Variants in ELAVL2 observed in about 807,000 individuals in gnomAD.
ELAVL2 encodes ELAV-like protein 2.
Under a neutral mutation model 34.6 loss-of-function variants are expected in ELAVL2, and 4 were observed. The observed-to-expected ratio is 0.12, with a 90% CI of 0.06 to 0.26. ELAVL2 has a LOEUF of 0.26. ELAVL2 is among the 10% of genes least tolerant of loss of function. ELAVL2 has a pLI of 1.00. For missense variants in ELAVL2, 432 were observed against 442.8 expected (o/e 0.98, Z 0.22); for synonymous variants, 193 against 154.8 (o/e 1.25, Z -1.83).
upstream of ELAVL2, chr9:23,829,761 A>G (rs942794120): frequency 5.9e-5 from 9 of 152,294 alleles, no homozygotes; most frequent in East Asian, 7.7e-4. Flanking sequence ...ACGCAAGAGA[A>G]AGAGGCAGGA....
At chr9:23,718,529 T>C (rs2042880360) in intron 3 of ELAVL2, among the ~76,000 whole-genome samples, 1 of 152,142 alleles carries the variant, frequency 6.6e-6, no homozygotes, top group Non-Finnish European at 1.5e-5. Flanking sequence ...GCAGATTGCT[T>C]ATGGCATTTA....
intron 2 of ELAVL2, among the ~76,000 whole-genome samples, chr9:23,751,612 T>C (rs1355953099): frequency 6.6e-6 from 1 of 152,180 alleles, no homozygotes; most frequent in Non-Finnish European, 1.5e-5. Flanking sequence ...TAGTATAGTA[T>C]TTACGTTTTA....
Position 23,756,413 on chromosome 9 carries a change from T to C in ELAVL2, c.229+5593A>G, listed in dbSNP as rs539998189. On this transcript the variant is annotated intron_variant, in intron 2 of 6. Transcript: ENST00000397312. ...CAGCTGATGAGGTCAGTACAAGACC[T>C]ACCTCAAACAACTGAGAGTAATGGT... Among the ~76,000 whole-genome samples the C allele has an allele frequency of 8.7e-4, 133 of 152,270 alleles. 3 individuals carry two copies. The highest frequency in any genetic ancestry group is 1.2e-4 in the Non-Finnish European group (8 of 68,018).
the ELAVL2 span, among the ~76,000 whole-genome samples, chr9:23,832,676 C>G: frequency 6.6e-6 from 1 of 152,196 alleles, no homozygotes; most frequent in South Asian, 2.1e-4. Context: ...GTCTTAGAAA[C>G]ATTTATAAAA....
chr9:23,701,681 AT>A, intron 4 of ELAVL2, 77 bp from the exon 5 acceptor site: 3 of 1,461,366 alleles, frequency 2.1e-6, no homozygotes, highest in Non-Finnish European at 2.8e-6. Flanking sequence ...GGACACATTA[AT>A]TTTTCCTTCT....
chr9:23,827,762 C>G (rs2138720603), upstream of ELAVL2, among the ~76,000 whole-genome samples: 1 of 152,224 alleles, frequency 6.6e-6, no homozygotes, highest in South Asian at 2.1e-4. Context: ...GTGAGGAATA[C>G]AGTAAATCAG....
intron 2 of ELAVL2, among the ~76,000 whole-genome samples, chr9:23,736,782 A>G (rs1230645195): frequency 6.6e-6 from 1 of 152,146 alleles, no homozygotes; most frequent in Non-Finnish European, 1.5e-5. Context: ...GCCATCCTCC[A>G]CCAAAACATT....
intron 2 of ELAVL2, among the ~76,000 whole-genome samples, chr9:23,739,419 A>G (rs1459776957): frequency 6.6e-6 from 1 of 152,158 alleles, no homozygotes; most frequent in Non-Finnish European, 1.5e-5. Flanking sequence ...ACAGTTCAAA[A>G]AAGGTTAGGA....
Position 23,691,041 on chromosome 9 carries a change from A to G in ELAVL2, c.*1516T>C, listed in dbSNP as rs1448687878. 1 of 152,566 alleles carries G rather than the reference A, an allele frequency of 6.6e-6. No individual in the cohort carries two copies. Among genetic ancestry groups the G allele is most frequent in the Admixed American group, 6.5e-5 (1 of 15,272 alleles). The allele number at this position is 152,566 out of a possible 1,614,324, so 9.5% of individuals were successfully genotyped here. A position where few individuals can be genotyped will look rare whatever the true frequency, so the allele number is the denominator to read the frequency against. ...ATACTCATTTTTTTATACCACAAAC[A>G]TATTTATAAACCAAAATGTAGCATC... On this transcript the variant is annotated 3_prime_UTR_variant, in exon 7 of 7. Coordinates refer to ENST00000397312, the MANE Select transcript of ELAVL2 (RefSeq NM_004432.5).
At chr9:23,725,774 T>C (rs1290603756) in intron 3 of ELAVL2, among the ~76,000 whole-genome samples, 1 of 152,202 alleles carries the variant, frequency 6.6e-6, no homozygotes, top group Non-Finnish European at 1.5e-5. Flanking sequence ...GAGAGGTTGC[T>C]GCTTTTCATC....
intron 2 of ELAVL2, among the ~76,000 whole-genome samples, chr9:23,740,639 T>C (rs564663513): frequency 6.6e-6 from 1 of 151,222 alleles, no homozygotes; most frequent in Non-Finnish European, 1.5e-5. Flanking sequence ...CAAGAGACTA[T>C]CTGTGAAAGA....
At chr9:23,815,438 A>G (rs1367615140) in intron 1 of ELAVL2, among the ~76,000 whole-genome samples, 2 of 152,164 alleles carry the variant, frequency 1.3e-5, no homozygotes. Context: ...CTTTTACTTC[A>G]TGGCAGAAAT....
At chr9:23,821,821 G>A (rs2064817836) in intron 1 of ELAVL2, 1 of 151,480 alleles carries the variant, frequency 6.6e-6, no homozygotes, top group African/African-American at 2.4e-5. Context: ...CCTCAGTGAC[G>A]CCCAGGCGCC....
chr9:23,733,656 G>A (rs937646964), intron 2 of ELAVL2, among the ~76,000 whole-genome samples: 1 of 152,180 alleles, frequency 6.6e-6, no homozygotes, highest in African/African-American at 2.4e-5. Flanking sequence ...AGTGCCTACT[G>A]AGATTAGATC....
At chr9:23,717,388 A>C (rs1470153963) in intron 3 of ELAVL2, among the ~76,000 whole-genome samples, 1 of 152,184 alleles carries the variant, frequency 6.6e-6, no homozygotes, top group Non-Finnish European at 1.5e-5. Context: ...TTTCTCTTAT[A>C]AATTAGGTCC....
At chr9:23,835,354 A>C in the ELAVL2 span, among the ~76,000 whole-genome samples, 1 of 152,076 alleles carries the variant, frequency 6.6e-6, no homozygotes, top group Non-Finnish European at 1.5e-5. Context: ...AAAGGTTATT[A>C]CTCATTTATG....
At chr9:23,697,964 T>C (rs977058802) in intron 5 of ELAVL2, among the ~76,000 whole-genome samples, 2 of 152,016 alleles carry the variant, frequency 1.3e-5, no homozygotes, top group Admixed American at 6.5e-5. Context: ...TTCAATTAGA[T>C]GGTATCATCT....
At chr9:23,779,679 AGAG>A (rs1425140093) in intron 1 of ELAVL2, among the ~76,000 whole-genome samples, 4 of 152,048 alleles carry the variant, frequency 2.6e-5, no homozygotes, top group Non-Finnish European at 5.9e-5. Flanking sequence ...GCCTGAACAA[AGAG>A]GAGGAGACAC....
chr9:23,838,613 T>C, the ELAVL2 span, among the ~76,000 whole-genome samples: 1 of 152,268 alleles, frequency 6.6e-6, no homozygotes, highest in African/African-American at 2.4e-5. Context: ...TTATATACAA[T>C]AACATAAAGT....
Sources: gnomAD v4.1 joint callset for allele counts (sites outside exome capture counted in the v4.1 genomes callset) on GRCh38, gnomAD v4.1.1 for gene constraint, MANE v1.5 for transcripts, NCBI Gene and HGNC (gene_info 2026-07-23, HGNC 2026-07-21) for gene names.